FMNL2: variants seen among roughly 807,000 people sequenced by gnomAD.
FMNL2 encodes the protein formin like 2.
A neutral mutation model predicts 130.2 loss-of-function variants in FMNL2; 51 were observed. The observed-to-expected ratio is 0.39, with a 90% CI of 0.31 to 0.49. FMNL2 has a LOEUF of 0.49. Among genes scored for constraint, FMNL2 ranks in the 20% least tolerant of loss-of-function variants. FMNL2 has a pLI of 0.85. For synonymous variants in FMNL2, 465 were observed against 467.1 expected, an observed-to-expected ratio of 1.00 and a Z score of 0.06; for missense variants, 977 against 1,316.2, an observed-to-expected ratio of 0.74 and a Z score of 3.99.
intron 1 of FMNL2, among the ~76,000 whole-genome samples, chr2:152,340,435 G>C (rs779518672): frequency 3.9e-5 from 6 of 152,172 alleles, no homozygotes; most frequent in Middle Eastern, 3.2e-3. Flanking sequence ...GAAGTGAGGT[G>C]CATTTGAAGT....
chr2:152,399,289 G>A (rs760812796), intron 1 of FMNL2, among the ~76,000 whole-genome samples: 2 of 152,192 alleles, frequency 1.3e-5, no homozygotes, highest in Non-Finnish European at 2.9e-5. Context: ...GAGGGTGGAG[G>A]AGTAGAAGGT....
rs1244752222 is a variant in FMNL2 at position 152,648,554 on chromosome 2, C to T, written c.*649C>T. The stretch of plus-strand genomic sequence containing the variant: ...GAATGTGGGGATATAGTGTATAAGA[C>T]TTATTTGCAGTACTGTGTTCTTCAG... On this transcript the variant is annotated 3_prime_UTR_variant, in exon 26 of 26. Transcript: ENST00000288670. The T allele has an allele frequency of 6.6e-6, 1 of 152,616 alleles. No individual in the cohort carries two copies. The highest frequency in any genetic ancestry group is 2.4e-5 in the African/African-American group (1 of 41,406). The allele number at this position is 152,616 out of a possible 1,614,324, so 9.5% of individuals were successfully genotyped here.
At position 152,550,875 on chromosome 2, in the gene FMNL2, C is replaced by T. The variant is rs1441993459; in HGVS notation, c.359+1778C>T. On this transcript the variant is annotated intron_variant, in intron 4 of 25. Transcript: ENST00000288670. Reference sequence around the variant, plus strand: ...TTCTTAGGCTGTGCGTGGTGGTTCACGTCTGTAATCCTAGCACTTTGAGAG... The same window carrying T: ...TTCTTAGGCTGTGCGTGGTGGTTCATGTCTGTAATCCTAGCACTTTGAGAG... Among the ~76,000 whole-genome samples, 3 of 152,096 alleles carry T rather than the reference C, an allele frequency of 2.0e-5. No individual in the cohort carries two copies. In the East Asian group the frequency reaches 5.8e-4, roughly 29 times the overall value.
At chr2:152,377,568 G>C (rs1684241988) in intron 1 of FMNL2, among the ~76,000 whole-genome samples, 1 of 152,220 alleles carries the variant, frequency 6.6e-6, no homozygotes, top group African/African-American at 2.4e-5. Flanking sequence ...GTACACAAGA[G>C]CTACATGTGG....
At position 152,589,997 on chromosome 2, in the gene FMNL2, G is replaced by GTATATGTATGTATATGTA. The variant is rs1697329488; in HGVS notation, c.876+8953_876+8954insGTATGTATATGTATATAT. 9.1e-5 allele frequency among the ~76,000 whole-genome samples: 6 copies of GTATATGTATGTATATGTA among 65,972 alleles called. 1 individual carries two copies. The highest frequency in any genetic ancestry group is 3.7e-4 in the African/African-American group (6 of 16,252). The allele number at this position is 65,972 out of a possible 152,430, so 43.3% of individuals were successfully genotyped here. On this transcript the variant is annotated intron_variant, in intron 9 of 25. Coordinates refer to ENST00000288670, the MANE Select transcript of FMNL2 (RefSeq NM_052905.4). ...TATATATATATATGTATATGTATAT[G>GTATATGTATGTATATGTA]TATATATATATACATATACATATAT...
At chr2:152,375,875 C>CTATATATATATATATATA (rs71394478) in intron 1 of FMNL2, among the ~76,000 whole-genome samples, 22 of 112,820 alleles carry the variant, frequency 2.0e-4, no homozygotes, top group East Asian at 7.4e-4. Flanking sequence ...CTCTCTCTCT[C>CTATATATATATATATATA]TCTATATATA....
At chr2:152,382,594 T>C (rs1034096740) in intron 1 of FMNL2, among the ~76,000 whole-genome samples, 3 of 152,302 alleles carry the variant, frequency 2.0e-5, no homozygotes, top group South Asian at 2.1e-4. Context: ...GCTCTTAATG[T>C]ATTATGGACT....
In FMNL2 at chr2:152,508,807, A is replaced by G. The variant is rs981798893; in HGVS notation, c.118-13136A>G. Among the ~76,000 whole-genome samples, 17 of 152,172 alleles carry G rather than the reference A, an allele frequency of 1.1e-4. 1 individual carries two copies. Among genetic ancestry groups the G allele is most frequent in the Non-Finnish European group, 4.4e-5 (3 of 68,038 alleles). On this transcript the variant is annotated intron_variant, in intron 1 of 25. Transcript: ENST00000288670. ...TGGTTTACCCAGCTGAGACGCACAG[A>G]GGGTCAATACAGTCAGATTTCTGCA...
At chr2:152,531,338 T>C (rs6720532) in intron 2 of FMNL2, among the ~76,000 whole-genome samples, 117,790 of 152,088 alleles carry the variant, frequency 0.77, 47,160 homozygotes, top group Non-Finnish European at 0.9. Context: ...GGCTTAATGA[T>C]TGATTTTGAC....
intron 1 of FMNL2, among the ~76,000 whole-genome samples, chr2:152,378,210 C>T (rs978600891): frequency 4.6e-5 from 7 of 151,874 alleles, no homozygotes; most frequent in Admixed American, 1.3e-4. Context: ...GTCATAGGGA[C>T]TGCCTTGCTT....
chr2:152,625,317 G>C, intron 15 of FMNL2, 121 bp from the exon 16 acceptor site: 1 of 1,186,136 alleles, frequency 8.4e-7, no homozygotes, highest in Non-Finnish European at 1.1e-6. Flanking sequence ...ACCTACTTGC[G>C]CGCCTCTTGC....
intron 1 of FMNL2, among the ~76,000 whole-genome samples, chr2:152,374,165 G>T (rs1684038426): frequency 6.6e-6 from 1 of 152,156 alleles, no homozygotes; most frequent in African/African-American, 2.4e-5. Flanking sequence ...TGAATAAAGA[G>T]ACTTAATAAC....
intron 9 of FMNL2, among the ~76,000 whole-genome samples, 163 bp downstream of exon 9, chr2:152,581,212 G>A (rs1361453777): frequency 6.6e-6 from 1 of 152,098 alleles, no homozygotes; most frequent in East Asian, 1.9e-4. Flanking sequence ...TCTAAATTTG[G>A]TATCTTATTT....
intron 1 of FMNL2, among the ~76,000 whole-genome samples, chr2:152,367,966 G>A (rs4664105): frequency 0.98 from 148,830 of 152,200 alleles, 72,869 homozygotes; most frequent in East Asian, 1. Flanking sequence ...GAAGATTCTT[G>A]GTTCGTGTTC....
intron 2 of FMNL2, among the ~76,000 whole-genome samples, chr2:152,524,542 A>C (rs1423246046): frequency 6.6e-6 from 1 of 152,188 alleles, no homozygotes; most frequent in Non-Finnish European, 1.5e-5. Context: ...TTATTAATTT[A>C]AGGACTCTGT....
chr2:152,375,178 G>A (rs1684086206), intron 1 of FMNL2, among the ~76,000 whole-genome samples: 1 of 152,224 alleles, frequency 6.6e-6, no homozygotes, highest in South Asian at 2.1e-4. Flanking sequence ...CCTTTTCATG[G>A]AGGAAGATCA....
chr2:152,483,285 T>G (rs1690634088), intron 1 of FMNL2, among the ~76,000 whole-genome samples: 1 of 152,246 alleles, frequency 6.6e-6, no homozygotes, highest in Admixed American at 6.5e-5. Flanking sequence ...AAGTCATCAT[T>G]TCCTTGAACC....
intron 1 of FMNL2, among the ~76,000 whole-genome samples, chr2:152,357,383 TAA>T (rs1192084098): frequency 9.1e-6 from 1 of 110,200 alleles, no homozygotes; most frequent in African/African-American, 3.6e-5. Context: ...TGTATAACGA[TAA>T]ATATTAAATC....
In FMNL2 at chr2:152,493,497, A is replaced by G. The variant is rs562735868; in HGVS notation, c.118-28446A>G. On this transcript the variant is annotated intron_variant, in intron 1 of 25. Transcript: ENST00000288670. Reference sequence around the variant, plus strand: ...ACCTCATGTTGAAATGTGATCCCCAATGTTGGGAGGTGGAGCCTAGTGGGA... The same window carrying G: ...ACCTCATGTTGAAATGTGATCCCCAGTGTTGGGAGGTGGAGCCTAGTGGGA... Among the ~76,000 whole-genome samples, 46 of 152,254 alleles carry G rather than the reference A, an allele frequency of 3.0e-4. No individual in the cohort carries two copies. The South Asian group carries it at 6.0e-3, about 20-fold the overall frequency.
Sources: gnomAD v4.1 joint callset for allele counts (sites outside exome capture counted in the v4.1 genomes callset) on GRCh38, gnomAD v4.1.1 for gene constraint, MANE v1.5 for transcripts, NCBI Gene and HGNC (gene_info 2026-07-23, HGNC 2026-07-21) for gene names.